Variants in ZNF438 observed in about 807,000 individuals in gnomAD.
ZNF438 encodes the protein zinc finger protein 438.
ZNF438 carries 25 observed loss-of-function variants against 38.0 expected under a neutral mutation model. The ratio of observed to expected loss-of-function variants is 0.66; its 90% confidence interval spans 0.48 to 0.92. The LOEUF (loss-of-function observed/expected upper bound fraction) is 0.92. Ranked by LOEUF, ZNF438 falls within the 40% of genes least tolerant of loss-of-function variation. The probability of loss-of-function intolerance (pLI) is 0.00; values close to 1 mark genes in which losing one functional copy is unlikely to be tolerated. For missense variants in ZNF438, 1,007 were observed against 999.6 expected (o/e 1.01, Z -0.10); for synonymous variants, 372 against 364.1 (o/e 1.02, Z -0.25).
At chr10:30,976,649 CCA>C (rs2136323303) in intron 1 of ZNF438, among the ~76,000 whole-genome samples, 1 of 152,088 alleles carries the variant, frequency 6.6e-6, no homozygotes, top group East Asian at 1.9e-4. Flanking sequence ...GGAGGATTGC[CCA>C]CTTGAGCCCT....
chr10:30,943,698 G>C (rs1384021235), intron 1 of ZNF438, among the ~76,000 whole-genome samples: 2 of 152,122 alleles, frequency 1.3e-5, no homozygotes, highest in African/African-American at 4.8e-5. Context: ...CCAGTAACAG[G>C]AATTAGAAAA....
chr10:30,901,731 C>T (rs1302754479), intron 3 of ZNF438, among the ~76,000 whole-genome samples: 1 of 151,566 alleles, frequency 6.6e-6, no homozygotes, highest in Non-Finnish European at 1.5e-5. Flanking sequence ...AAAATGTGTC[C>T]GCAATTGGTG....
At chr10:31,024,939 T>C (rs2056844014) in intron 1 of ZNF438, among the ~76,000 whole-genome samples, 1 of 152,196 alleles carries the variant, frequency 6.6e-6, no homozygotes, top group East Asian at 1.9e-4. Context: ...AAATTAATTT[T>C]AGTAAGAAAA....
chr10:30,951,283 G>A lies in ZNF438; in HGVS notation c.-191-9632C>T, dbSNP rs375464387. Among the ~76,000 whole-genome samples the A allele has an allele frequency of 6.2e-3, 928 of 150,306 alleles. 13 individuals are homozygous for A. The highest frequency in any genetic ancestry group is 0.021 in the African/African-American group (861 of 41,118). ...AAGAGCTATCTATGACAAACCCACA[G>A]CCAATATCATACTGAATGGGCAAAA... On this transcript the variant is annotated intron_variant, in intron 1 of 5. Coordinates refer to ENST00000413025, the Ensembl canonical transcript of ZNF438.
exon 5 of ZNF438, chr10:30,850,250 G>A: frequency 6.2e-7 from 1 of 1,614,136 alleles, no homozygotes; most frequent in Non-Finnish European, 8.5e-7. Context: ...TGAATGACAT[G>A]GCAGCATTCT....
chr10:30,933,873 G>A lies in ZNF438; in HGVS notation c.-115+7702C>T, dbSNP rs1017614092. 8.5e-5 allele frequency among the ~76,000 whole-genome samples: 13 copies of A among 152,124 alleles called. No individual in the cohort carries two copies. The East Asian group carries it at 1.4e-3, about 16-fold the overall frequency. ...CTGAAATCAGCGCTTGAGGACAGGC[G>A]CGGTGGCTCACGCCTGTAATCCCAA... On this transcript the variant is annotated intron_variant, in intron 2 of 5. Coordinates refer to ENST00000413025, the Ensembl canonical transcript of ZNF438.
chr10:30,960,603 T>G lies in ZNF438; in HGVS notation c.-191-18952A>C, dbSNP rs1236789793. On this transcript the variant is annotated intron_variant, in intron 1 of 5. Coordinates refer to ENST00000413025, the Ensembl canonical transcript of ZNF438. ...TGTTTATTTCTGGACTCTCAATTCC[T>G]CTCCATTGATTTATATGCTTATCCT... Among the ~76,000 whole-genome samples, 12 of 146,966 alleles carry G rather than the reference T, an allele frequency of 8.2e-5. 2 individuals are homozygous for G. In the Admixed American group the frequency reaches 8.2e-4, roughly 10 times the overall value.
At chr10:30,987,639 G>A (rs1206941687) in intron 1 of ZNF438, among the ~76,000 whole-genome samples, 2 of 152,016 alleles carry the variant, frequency 1.3e-5, no homozygotes, top group Admixed American at 1.3e-4. Flanking sequence ...CCCTCCTGAT[G>A]AGATTAATGC....
chr10:30,977,285 T>A (rs949629256), intron 1 of ZNF438, among the ~76,000 whole-genome samples: 1 of 152,240 alleles, frequency 6.6e-6, no homozygotes, highest in Non-Finnish European at 1.5e-5. Flanking sequence ...CTTTCCATTT[T>A]ATATTAGCGT....
intron 5 of ZNF438, among the ~76,000 whole-genome samples, 177 bp from the exon 7 acceptor site, chr10:30,845,750 T>C (rs2031877673): frequency 6.6e-6 from 1 of 152,114 alleles, no homozygotes; most frequent in African/African-American, 2.4e-5. Flanking sequence ...GAATACTAAT[T>C]GTCACTCCTG....
intron 4 of ZNF438, among the ~76,000 whole-genome samples, chr10:30,873,874 G>A (rs913011282): frequency 6.6e-6 from 1 of 151,984 alleles, no homozygotes; most frequent in Admixed American, 6.6e-5. Context: ...TGTTGGTGAT[G>A]TCTTATCTGA....
intron 2 of ZNF438, among the ~76,000 whole-genome samples, chr10:30,912,092 T>C (rs964718244): frequency 2.6e-5 from 4 of 152,140 alleles, no homozygotes; most frequent in South Asian, 2.1e-4. Context: ...AACAAAACCA[T>C]TTGGCCCCAC....
chr10:30,875,468 T>C (rs1164493777), intron 4 of ZNF438: 8 of 984,022 alleles, frequency 8.1e-6, no homozygotes, highest in Non-Finnish European at 9.7e-6. Context: ...GCTTTCCTGA[T>C]ACTTGTTCCA....
intron 2 of ZNF438, among the ~76,000 whole-genome samples, chr10:30,922,796 C>T (rs1394569305): frequency 2.0e-5 from 3 of 151,174 alleles, no homozygotes; most frequent in African/African-American, 7.3e-5. Context: ...GATTGTGCCA[C>T]TGCACTCCAG....
At chr10:30,857,162 T>C (rs1564501039) in intron 4 of ZNF438, among the ~76,000 whole-genome samples, 1 of 152,190 alleles carries the variant, frequency 6.6e-6, no homozygotes, top group Non-Finnish European at 1.5e-5. Context: ...ATATGTAAAG[T>C]TGTCTGAATT....
At chr10:30,914,591 C>A (rs1449555017) in intron 2 of ZNF438, among the ~76,000 whole-genome samples, 2 of 151,836 alleles carry the variant, frequency 1.3e-5, no homozygotes, top group Non-Finnish European at 2.9e-5. Context: ...TAACTGCATG[C>A]AAATTTACAA....
At chr10:31,019,055 T>C (rs1408440940) in intron 1 of ZNF438, among the ~76,000 whole-genome samples, 1 of 152,206 alleles carries the variant, frequency 6.6e-6, no homozygotes, top group African/African-American at 2.4e-5. Flanking sequence ...CCAACAGGGT[T>C]CTGGTAGTAG....
intron 1 of ZNF438, among the ~76,000 whole-genome samples, chr10:30,993,178 G>T (rs573640833): frequency 6.6e-6 from 1 of 152,298 alleles, no homozygotes; most frequent in East Asian, 1.9e-4. Context: ...GATTCATATT[G>T]ATACAAGGGA....
chr10:30,846,181 T>G (rs1276205899), intron 5 of ZNF438, among the ~76,000 whole-genome samples: 1 of 152,256 alleles, frequency 6.6e-6, no homozygotes, highest in Non-Finnish European at 1.5e-5. Context: ...ATTTTGATTT[T>G]TAGGTACAAT....
Sources: gnomAD v4.1 joint callset for allele counts (sites outside exome capture counted in the v4.1 genomes callset) on GRCh38, gnomAD v4.1.1 for gene constraint, MANE v1.5 for transcripts, NCBI Gene and HGNC (gene_info 2026-07-23, HGNC 2026-07-21) for gene names.